The following NXNL2 variants were observed in gnomAD, a reference collection of about 807,000 sequenced individuals.
The protein encoded by NXNL2 is nucleoredoxin-like protein 2.
NXNL2 carries 7 observed loss-of-function variants against 11.1 expected under a neutral mutation model. That is an observed-to-expected ratio of 0.63 (90% confidence interval 0.36 to 1.18). The LOEUF is 1.18. Ranked by LOEUF, NXNL2 falls within the 50% of genes most tolerant of loss-of-function variation. The pLI, the probability that NXNL2 is intolerant of heterozygous loss-of-function variation, is 0.02. For missense variants in NXNL2, 233 were observed against 217.7 expected, an observed-to-expected ratio of 1.07 and a Z score of -0.44; for synonymous variants, 109 against 101.8, an observed-to-expected ratio of 1.07 and a Z score of -0.42.
chr9:88,578,429 C>G (rs572490851), downstream of NXNL2, among the ~76,000 whole-genome samples: 4 of 152,364 alleles, frequency 2.6e-5, no homozygotes, highest in South Asian at 8.3e-4. Context: ...CAGGTATCTA[C>G]TGATCTGGCT....
chr9:88,541,717 A>G (rs58748340), intron 1 of NXNL2, among the ~76,000 whole-genome samples: 2,851 of 152,224 alleles, frequency 0.019, 103 homozygotes, highest in African/African-American at 0.066. Context: ...TGTTTGTGCC[A>G]TCCTTATTTT....
chr9:88,577,086 C>A (rs1298937553), downstream of NXNL2, among the ~76,000 whole-genome samples: 3 of 152,080 alleles, frequency 2.0e-5, no homozygotes, highest in African/African-American at 7.3e-5. Flanking sequence ...AGAGAGGAAG[C>A]AGGGGAGTGG....
At chr9:88,540,331 TAA>T (rs112693535) in intron 1 of NXNL2, among the ~76,000 whole-genome samples, 80 of 139,006 alleles carry the variant, frequency 5.8e-4, no homozygotes, top group African/African-American at 1.5e-3. Context: ...GACTCCATCT[TAA>T]AAAAAAAAAA....
intron 1 of NXNL2, among the ~76,000 whole-genome samples, chr9:88,541,775 T>C (rs1829767069): frequency 6.6e-6 from 1 of 152,232 alleles, no homozygotes; most frequent in Non-Finnish European, 1.5e-5. Flanking sequence ...ACTAAAGTTT[T>C]GGATAAGCGT....
chr9:88,567,592 A>G (rs918831049), intron 1 of NXNL2, among the ~76,000 whole-genome samples: 5 of 152,226 alleles, frequency 3.3e-5, no homozygotes, highest in East Asian at 1.9e-4. Flanking sequence ...TTGGACTACA[A>G]TTAACTTCAA....
chr9:88,536,254 G>T (rs1829616705), intron 1 of NXNL2, among the ~76,000 whole-genome samples: 1 of 152,024 alleles, frequency 6.6e-6, no homozygotes, highest in Non-Finnish European at 1.5e-5. Context: ...GCCGTGGTTG[G>T]TTTGCTGGGA....
rs144745578 is a variant in NXNL2 at position 88,558,248 on chromosome 9, T to G, written c.303-12839T>G. 1.3e-4 allele frequency among the ~76,000 whole-genome samples: 20 copies of G among 152,222 alleles called. 1 individual carries two copies. The highest frequency in any genetic ancestry group is 4.6e-4 in the African/African-American group (19 of 41,538). ...GGCCAATGATGTCATCAGTCATGCCTACATAATAAAGCTTCCATGAAACCC... is the reference window on the plus strand; with the variant it reads ...GGCCAATGATGTCATCAGTCATGCCGACATAATAAAGCTTCCATGAAACCC... On this transcript the variant is annotated intron_variant, in intron 1 of 2. Coordinates refer to the NXNL2 transcript ENST00000375855.
chr9:88,548,339 C>CAAAAAAAAAAAAAAAAA (rs60796870), downstream of NXNL2, among the ~76,000 whole-genome samples: 1 of 31,068 alleles, frequency 3.2e-5, no homozygotes, highest in Non-Finnish European at 5.5e-5. Flanking sequence ...GACTTTTTCT[C>CAAAAAAAAAAAAAAAAA]AAAAAAAAAA....
At chr9:88,543,832 T>A (rs1300080818) in intron 1 of NXNL2, among the ~76,000 whole-genome samples, 1 of 151,894 alleles carries the variant, frequency 6.6e-6, no homozygotes, top group Non-Finnish European at 1.5e-5. Flanking sequence ...ATACGGAGAG[T>A]TCACTGCTGC....
intron 1 of NXNL2, among the ~76,000 whole-genome samples, chr9:88,583,776 C>G (rs1404042959): frequency 6.6e-6 from 1 of 152,164 alleles, no homozygotes; most frequent in Non-Finnish European, 1.5e-5. Context: ...TAGCCCTAAT[C>G]TGATATGACT....
chr9:88,569,462 A>G (rs1472546308), intron 1 of NXNL2, among the ~76,000 whole-genome samples: 1 of 152,214 alleles, frequency 6.6e-6, no homozygotes, highest in African/African-American at 2.4e-5. Flanking sequence ...TGGAGGTGCC[A>G]TCTTTCAATT....
rs564528638 is a variant in NXNL2 at position 88,572,613 on chromosome 9, G to A, written c.*16+1405G>A. Among the ~76,000 whole-genome samples, 75 of 152,298 alleles carry A rather than the reference G, an allele frequency of 4.9e-4. 1 individual carries two copies. Among genetic ancestry groups the A allele is most frequent in the African/African-American group, 1.7e-3 (72 of 41,572 alleles). The stretch of plus-strand genomic sequence containing the variant: ...CCTGCCGACCCCGGCAAAACACAGG[G>A]CGATCGGCCTGTGCTGCGACCCAGG... On this transcript the variant is annotated intron_variant, in intron 2 of 2. Transcript: ENST00000375855.
downstream of NXNL2, among the ~76,000 whole-genome samples, chr9:88,547,915 G>A (rs1368041906): frequency 6.6e-6 from 1 of 151,930 alleles, no homozygotes; most frequent in Non-Finnish European, 1.5e-5. Flanking sequence ...TACCCGGGAG[G>A]CTGAGGCAGC....
chr9:88,578,342 G>C (rs989030699), downstream of NXNL2, among the ~76,000 whole-genome samples: 1 of 152,358 alleles, frequency 6.6e-6, no homozygotes, highest in East Asian at 1.9e-4. Flanking sequence ...GCCGGTCCTG[G>C]AGTGGTCCGT....
At chr9:88,548,428 C>G (rs931345246), downstream of NXNL2, among the ~76,000 whole-genome samples, 1 of 132,796 alleles carries the variant, frequency 7.5e-6, no homozygotes, top group African/African-American at 2.8e-5. Flanking sequence ...CTTTTGGAGG[C>G]CAAGGTGTGT....
At chr9:88,535,782 C>A in intron 1 of NXNL2, 46 bp downstream of exon 1, 2 of 1,463,696 alleles carry the variant, frequency 1.4e-6, no homozygotes, top group Non-Finnish European at 1.8e-6. Flanking sequence ...GCACGTCTCC[C>A]CCATGTTCCC....
rs1830164673 is a variant in NXNL2 at position 88,565,951 on chromosome 9, C to T, written c.303-5136C>T. 3.3e-5 allele frequency among the ~76,000 whole-genome samples: 5 copies of T among 152,200 alleles called. No homozygotes were observed. The South Asian group carries it at 1.0e-3, about 31-fold the overall frequency. On this transcript the variant is annotated intron_variant, in intron 1 of 2. Transcript: ENST00000375855. ...TAATTAGTGATGTTGAAAATCTTTT[C>T]ATATACCTGTTTGCCATTTGTATGT... is the stretch of plus-strand genomic sequence containing the variant.
intron 2 of NXNL2, among the ~76,000 whole-genome samples, chr9:88,573,695 A>G (rs1258605954): frequency 1.3e-5 from 2 of 152,204 alleles, no homozygotes; most frequent in African/African-American, 4.8e-5. Flanking sequence ...AGTGGGTATG[A>G]AAATGTTCTG....
At chr9:88,575,816 A>T (rs948178242), downstream of NXNL2, 1 of 152,226 alleles carries the variant, frequency 6.6e-6, no homozygotes, top group Non-Finnish European at 1.5e-5. Context: ...TCATTATGTG[A>T]TTATTATGCA....
Sources: gnomAD v4.1 joint callset for allele counts (sites outside exome capture counted in the v4.1 genomes callset) on GRCh38, gnomAD v4.1.1 for gene constraint, MANE v1.5 for transcripts, NCBI Gene and HGNC (gene_info 2026-07-23, HGNC 2026-07-21) for gene names.